CHN1: variants seen among roughly 807,000 people sequenced by gnomAD.
CHN1 encodes the protein N-chimaerin.
In CHN1, 37 loss-of-function variants were observed where a neutral mutation model predicts 59.5. That is an observed-to-expected ratio of 0.62 (90% CI 0.48 to 0.82). The LOEUF (loss-of-function observed/expected upper bound fraction) is 0.82, where lower values mean the gene tolerates loss of function less well. Among genes scored for constraint, CHN1 ranks in the 40% least tolerant of loss-of-function variants. The pLI, the probability that CHN1 is intolerant of heterozygous loss-of-function variation, is 0.00. For missense variants in CHN1, 469 were observed against 571.0 expected, an observed-to-expected ratio of 0.82 and a Z score of 1.82; for synonymous variants, 206 against 200.4, an observed-to-expected ratio of 1.03 and a Z score of -0.24.
rs373375862 is a variant in CHN1, at chr2:174,893,282, C to G, written c.261-15154G>C. ...ATGAATTTAGTAAAACTGCAGGATA[C>G]AAACATCAACATGGAAAAATCAGCT... On this transcript the variant is annotated intron_variant, in intron 5 of 12. Transcript: ENST00000409900. Among the ~76,000 whole-genome samples, 54 of 152,114 alleles carry G rather than the reference C, an allele frequency of 3.5e-4. 1 individual carries two copies. In the South Asian group the frequency reaches 9.2e-3, roughly 26 times the overall value.
chr2:174,831,219 C>A (rs1166120480), intron 7 of CHN1, among the ~76,000 whole-genome samples: 1 of 152,158 alleles, frequency 6.6e-6, no homozygotes, highest in Non-Finnish European at 1.5e-5. Flanking sequence ...CATAAAAATA[C>A]ATTTACCACA....
At chr2:174,810,640 T>C (rs1465172158) in intron 10 of CHN1, among the ~76,000 whole-genome samples, 1 of 152,204 alleles carries the variant, frequency 6.6e-6, no homozygotes, top group Non-Finnish European at 1.5e-5. Flanking sequence ...GAATACACCA[T>C]TAATTCACCT....
At chr2:175,004,773 C>T (rs1692006068) in intron 1 of CHN1, 121 bp downstream of exon 1, 1 of 385,710 alleles carries the variant, frequency 2.6e-6, no homozygotes, top group Non-Finnish European at 3.6e-6. Context: ...TCTGCGGCCC[C>T]GGCCCGCCCC....
intron 7 of CHN1, among the ~76,000 whole-genome samples, chr2:174,825,322 TA>T (rs1283771997): frequency 6.6e-6 from 1 of 152,210 alleles, no homozygotes; most frequent in Non-Finnish European, 1.5e-5. Flanking sequence ...AATTTCTGTT[TA>T]AAACATTTGA....
At chr2:174,946,456 A>C (rs1216177657) in intron 2 of CHN1, among the ~76,000 whole-genome samples, 3 of 152,206 alleles carry the variant, frequency 2.0e-5, no homozygotes, top group South Asian at 4.1e-4. Context: ...TTTAAATTCT[A>C]CTGGTAGAAA....
chr2:175,005,335 C>T lies in CHN1; in HGVS notation c.-423G>A, dbSNP rs888042480. The T allele has an allele frequency of 5.2e-6, 6 of 1,163,196 alleles. No individual in the cohort carries two copies. The highest frequency in any genetic ancestry group is 7.2e-5 in the Admixed American group (2 of 27,918). 72.1% of individuals were successfully genotyped at this position (1,163,196 alleles called of 1,614,324 possible). ...AGCCCCCGGCGGGGCGCGCTCACTC[C>T]GCATCCCGCGGCCTCGCAGACGCCA... On this transcript the variant is annotated 5_prime_UTR_variant, in exon 1 of 13. Coordinates refer to ENST00000409900, the MANE Select transcript of CHN1 (RefSeq NM_001822.7).
intron 5 of CHN1, among the ~76,000 whole-genome samples, chr2:174,914,014 T>C (rs1263099122): frequency 6.6e-6 from 1 of 152,144 alleles, no homozygotes; most frequent in Non-Finnish European, 1.5e-5. Flanking sequence ...GAGGCAGCAA[T>C]GTAGAATGAT....
At chr2:174,820,022 C>G (rs1574053138) in intron 8 of CHN1, among the ~76,000 whole-genome samples, 1 of 151,920 alleles carries the variant, frequency 6.6e-6, no homozygotes, top group African/African-American at 2.4e-5. Context: ...GCATAGTATT[C>G]CATGGTGTAT....
chr2:174,935,144 A>ACT (rs1358963594), intron 3 of CHN1, among the ~76,000 whole-genome samples: 14 of 152,312 alleles, frequency 9.2e-5, no homozygotes, highest in African/African-American at 3.1e-4. Context: ...TCCCACAAGT[A>ACT]CTCTGCCCTT....
At chr2:174,870,795 T>A (rs1687383798) in intron 6 of CHN1, among the ~76,000 whole-genome samples, 1 of 152,272 alleles carries the variant, frequency 6.6e-6, no homozygotes, top group South Asian at 2.1e-4. Context: ...GTAGCAATCG[T>A]GAAAGAATTT....
chr2:174,953,148 T>C (rs368291447), intron 1 of CHN1, among the ~76,000 whole-genome samples: 1 of 151,596 alleles, frequency 6.6e-6, no homozygotes, highest in African/African-American at 2.4e-5. Flanking sequence ...TCCAAAAATT[T>C]TGATCTCCAA....
intron 3 of CHN1, among the ~76,000 whole-genome samples, chr2:174,926,334 T>G (rs1689162666): frequency 6.6e-6 from 1 of 152,184 alleles, no homozygotes; most frequent in South Asian, 2.1e-4. Flanking sequence ...CCTGAGTAGC[T>G]GGGACTACAG....
intron 5 of CHN1, among the ~76,000 whole-genome samples, chr2:174,883,446 G>A (rs955245708): frequency 2.6e-5 from 4 of 152,150 alleles, no homozygotes; most frequent in Admixed American, 1.3e-4. Flanking sequence ...TTTCCTGATA[G>A]GAGACTGAAA....
At chr2:174,902,495 A>G (rs1688417962) in intron 5 of CHN1, among the ~76,000 whole-genome samples, 1 of 152,200 alleles carries the variant, frequency 6.6e-6, no homozygotes, top group South Asian at 2.1e-4. Context: ...TGTTACTGTC[A>G]TCATGTGTTA....
intron 1 of CHN1, among the ~76,000 whole-genome samples, chr2:175,004,633 C>T (rs1692000190): frequency 6.6e-6 from 1 of 152,182 alleles, no homozygotes; most frequent in Non-Finnish European, 1.5e-5. Flanking sequence ...TGTGCGTTTG[C>T]AAAACACCCA....
chr2:174,968,019 A>G (rs148832815), intron 1 of CHN1, among the ~76,000 whole-genome samples: 5 of 152,346 alleles, frequency 3.3e-5, no homozygotes, highest in East Asian at 3.9e-4. Flanking sequence ...GAGAGTCAAT[A>G]TATCATTTTG....
At chr2:174,806,930 G>A (rs963221504) in intron 11 of CHN1, among the ~76,000 whole-genome samples, 2 of 152,016 alleles carry the variant, frequency 1.3e-5, no homozygotes, top group Non-Finnish European at 2.9e-5. Context: ...ATTATGCCAG[G>A]GTTTTTGGTG....
chr2:174,955,202 TTG>T (rs1690164355), intron 1 of CHN1, among the ~76,000 whole-genome samples: 5 of 35,176 alleles, frequency 1.4e-4, no homozygotes, highest in African/African-American at 9.0e-4. Context: ...ATATATATAA[TTG>T]ATATATATAT....
At chr2:174,867,199 C>T (rs1687245574) in intron 6 of CHN1, among the ~76,000 whole-genome samples, 1 of 151,672 alleles carries the variant, frequency 6.6e-6, no homozygotes, top group African/African-American at 2.4e-5. Context: ...CGTGGTGAAA[C>T]TCTATCTTTA....
Sources: allele counts gnomAD v4.1 joint callset (sites outside exome capture counted in the v4.1 genomes callset), GRCh38; gene constraint gnomAD v4.1.1; transcripts MANE v1.5; gene names NCBI Gene and HGNC (gene_info 2026-07-23, HGNC 2026-07-21).